The following NBAS variants were observed in gnomAD, a reference collection of about 807,000 sequenced individuals.
The protein encoded by NBAS is NBAS subunit of NRZ tethering complex.
A neutral mutation model predicts 302.5 loss-of-function variants in NBAS; 219 were observed. The ratio of observed to expected loss-of-function variants is 0.72; its 90% CI spans 0.65 to 0.81. The LOEUF is 0.81. NBAS is among the 30% of genes least tolerant of loss of function. The pLI, the probability that NBAS is intolerant of heterozygous loss-of-function variation, is 0.00. For synonymous variants in NBAS, 1,118 were observed against 1,021.6 expected (o/e 1.09, Z -1.80); for missense variants, 2,932 against 2,841.6 (o/e 1.03, Z -0.72).
chr2:15,293,401 G>C (rs1445260679), intron 40 of NBAS, among the ~76,000 whole-genome samples: 1 of 152,096 alleles, frequency 6.6e-6, no homozygotes, highest in Non-Finnish European at 1.5e-5. Context: ...ATTCTTAGCA[G>C]CTTCTCTAAT....
At chr2:15,337,294 G>C (rs1397310479) in intron 35 of NBAS, among the ~76,000 whole-genome samples, 1 of 151,940 alleles carries the variant, frequency 6.6e-6, no homozygotes, top group African/African-American at 2.4e-5. Flanking sequence ...CAGCCTGGAG[G>C]ACTCAGGGGG....
At chr2:15,205,219 T>C (rs1666082980) in intron 48 of NBAS, among the ~76,000 whole-genome samples, 1 of 152,110 alleles carries the variant, frequency 6.6e-6, no homozygotes, top group Non-Finnish European at 1.5e-5. Flanking sequence ...ATTTGTAAGA[T>C]GCATGGATAA....
intron 46 of NBAS, among the ~76,000 whole-genome samples, chr2:15,233,280 T>A (rs772116059): frequency 7.2e-5 from 11 of 152,206 alleles, no homozygotes; most frequent in Non-Finnish European, 1.5e-4. Context: ...TTATTGAATG[T>A]CTTCTGTGTG....
the NBAS span, among the ~76,000 whole-genome samples, chr2:15,153,348 G>A: frequency 6.6e-6 from 1 of 152,210 alleles, no homozygotes; most frequent in African/African-American, 2.4e-5. Context: ...TTTGAATGTG[G>A]TGCTATCCCC....
intron 42 of NBAS, among the ~76,000 whole-genome samples, chr2:15,280,780 G>A (rs1053615296): frequency 6.6e-6 from 1 of 152,136 alleles, no homozygotes; most frequent in Non-Finnish European, 1.5e-5. Flanking sequence ...CACTGCTGGT[G>A]AACAGTGGCC....
At chr2:15,155,891 C>T in the NBAS span, among the ~76,000 whole-genome samples, 1 of 152,206 alleles carries the variant, frequency 6.6e-6, no homozygotes, top group African/African-American at 2.4e-5. Flanking sequence ...TCAATAACAA[C>T]TCATCACCGG....
At chr2:15,524,003 T>A (rs534426342) in intron 9 of NBAS, among the ~76,000 whole-genome samples, 2 of 152,326 alleles carry the variant, frequency 1.3e-5, no homozygotes, top group South Asian at 4.1e-4. Flanking sequence ...GTAGGAAATA[T>A]ATCTCAAACT....
the NBAS span, among the ~76,000 whole-genome samples, chr2:15,001,792 C>CT: frequency 6.6e-6 from 1 of 151,978 alleles, no homozygotes; most frequent in Admixed American, 6.6e-5. Flanking sequence ...GTCTCACTGG[C>CT]TCAGGAGTGA....
intron 46 of NBAS, among the ~76,000 whole-genome samples, chr2:15,232,940 G>A (rs891185231): frequency 5.3e-5 from 8 of 150,576 alleles, no homozygotes; most frequent in African/African-American, 2.0e-4. Context: ...CATATATTCT[G>A]CTACTATTAA....
the NBAS span, among the ~76,000 whole-genome samples, chr2:14,831,312 A>G: frequency 6.6e-6 from 1 of 152,210 alleles, no homozygotes; most frequent in Admixed American, 6.5e-5. Flanking sequence ...GTTTTAAGTA[A>G]CTCAATGATC....
intron 8 of NBAS, 52 bp from the exon 9 acceptor site, chr2:15,534,693 A>G: frequency 8.2e-7 from 1 of 1,220,676 alleles, no homozygotes; most frequent in African/African-American, 1.5e-5. Context: ...CACAATGAAT[A>G]TCACTAAATA....
chr2:15,441,792 A>G (rs1009080474), intron 21 of NBAS, among the ~76,000 whole-genome samples: 6 of 152,178 alleles, frequency 3.9e-5, no homozygotes, highest in African/African-American at 1.4e-4. Context: ...CATAGGCTCA[A>G]AATAAAAGGA....
At chr2:14,978,932 G>A in the NBAS span, among the ~76,000 whole-genome samples, 443 of 152,176 alleles carry the variant, frequency 2.9e-3, 1 homozygote, top group African/African-American at 0.01. Flanking sequence ...GTGCTGAGGG[G>A]GTACTCAAAT....
At chr2:15,044,724 AG>A in the NBAS span, among the ~76,000 whole-genome samples, 2 of 152,212 alleles carry the variant, frequency 1.3e-5, no homozygotes, top group Non-Finnish European at 2.9e-5. Flanking sequence ...GAGGGTTAAA[AG>A]AGATGATAGT....
At chr2:15,088,048 G>A in the NBAS span, among the ~76,000 whole-genome samples, 8 of 152,202 alleles carry the variant, frequency 5.3e-5, no homozygotes, top group East Asian at 3.9e-4. Context: ...GGAGATACCC[G>A]TAGGGTGAGC....
the NBAS span, among the ~76,000 whole-genome samples, chr2:14,968,212 C>T: frequency 2.6e-5 from 4 of 152,170 alleles, no homozygotes; most frequent in South Asian, 8.3e-4. Context: ...GGCCCCATTC[C>T]ACTTCCATGG....
At chr2:15,275,886 A>G in intron 43 of NBAS, 68 bp from the exon 44 acceptor site, 2 of 1,348,824 alleles carry the variant, frequency 1.5e-6, no homozygotes. Context: ...ACTTTCAAAC[A>G]CACACACATA....
At chr2:15,250,093 T>C (rs892593767) in intron 44 of NBAS, among the ~76,000 whole-genome samples, 3 of 152,178 alleles carry the variant, frequency 2.0e-5, no homozygotes, top group Admixed American at 6.5e-5. Flanking sequence ...CAGAACAGCA[T>C]GGTACTGGTA....
the NBAS span, among the ~76,000 whole-genome samples, chr2:15,083,155 C>T: frequency 6.6e-6 from 1 of 152,196 alleles, no homozygotes; most frequent in Admixed American, 6.5e-5. Context: ...CAGCAACTTG[C>T]CCAGTACCCC....
Sources: gnomAD v4.1 joint callset for allele counts (sites outside exome capture counted in the v4.1 genomes callset) on GRCh38, gnomAD v4.1.1 for gene constraint, MANE v1.5 for transcripts, NCBI Gene and HGNC (gene_info 2026-07-23, HGNC 2026-07-21) for gene names.